TCF4: variants seen among roughly 807,000 people sequenced by gnomAD.
TCF4 encodes the protein SL3-3 enhancer factor 2.
TCF4 carries 3 observed loss-of-function variants against 82.1 expected under a neutral mutation model. The observed-to-expected ratio is 0.04, with a 90% confidence interval of 0.02 to 0.09. The LOEUF is 0.09. TCF4 is among the 10% of genes least tolerant of loss of function. The pLI is 1.00. For synonymous variants in TCF4, 276 were observed against 309.6 expected, an observed-to-expected ratio of 0.89 and a Z score of 1.14; for missense variants, 518 against 852.7, an observed-to-expected ratio of 0.61 and a Z score of 4.89.
rs1433071956 is a variant in TCF4 at position 55,279,572 on chromosome 18, G to A, written c.634C>T (p.Pro212Ser). The stretch of plus-strand genomic sequence containing the variant: ...TTACCTTGCATGAAGAAGGAGCTAG[G>A]GAAAGTGCTGGTTGCTGGTTTGGAG... ...PSSKPATSTF[P>S]SSFFMQDGHH... is the part of the protein sequence containing the mutation. Residue 212 changes from proline (P) to serine (S), a missense_variant, in exon 9 of 20, where the codon CCT becomes TCT. Pro to Ser is a moderately conservative substitution (Grantham distance 74). This residue lies in a region of TCF4 where 211 missense variants were observed against 327.4 expected (regional missense o/e 0.64). Transcript: ENST00000354452. The A allele has an allele frequency of 6.2e-7, 1 of 1,613,914 alleles. No homozygotes were observed. Among genetic ancestry groups the A allele is most frequent in the South Asian group, 1.1e-5 (1 of 91,082 alleles).
chr18:55,417,257 A>C (rs1372268693), intron 5 of TCF4, among the ~76,000 whole-genome samples: 4 of 152,226 alleles, frequency 2.6e-5, no homozygotes, highest in African/African-American at 7.2e-5. Context: ...TGGACACTTA[A>C]ATCTACAGGT....
intron 1 of TCF4, among the ~76,000 whole-genome samples, chr18:55,632,484 C>T (rs1331631540): frequency 6.6e-6 from 1 of 152,116 alleles, no homozygotes; most frequent in Non-Finnish European, 1.5e-5. Context: ...AGCTATATGT[C>T]TTCAGATTGT....
chr18:55,586,924 G>A (rs1329220387), intron 2 of TCF4, 121 bp downstream of exon 2: 1 of 833,842 alleles, frequency 1.2e-6, no homozygotes, highest in African/African-American at 1.7e-5. Context: ...TATTTACCAA[G>A]GATTCAGCCA....
intron 8 of TCF4, among the ~76,000 whole-genome samples, chr18:55,314,700 A>G (rs1036094677): frequency 6.6e-5 from 10 of 151,804 alleles, no homozygotes; most frequent in African/African-American, 2.2e-4. Flanking sequence ...AATGGTAACC[A>G]AAGAGGTGAA....
chr18:55,443,310 T>C (rs571014878), intron 5 of TCF4, among the ~76,000 whole-genome samples: 2 of 152,334 alleles, frequency 1.3e-5, no homozygotes, highest in South Asian at 2.1e-4. Context: ...AAGAATCATG[T>C]TCCTGAAAAT....
intron 15 of TCF4, among the ~76,000 whole-genome samples, chr18:55,253,796 A>C (rs536951036): frequency 6.6e-5 from 10 of 152,158 alleles, no homozygotes; most frequent in Non-Finnish European, 1.2e-4. Flanking sequence ...AAAAAACACT[A>C]ATATTTGAAT....
intron 5 of TCF4, among the ~76,000 whole-genome samples, chr18:55,453,784 C>T (rs2095675072): frequency 6.6e-6 from 1 of 150,808 alleles, no homozygotes; most frequent in South Asian, 2.1e-4. Flanking sequence ...TTTCAATGGC[C>T]TTTCAAATTA....
At chr18:55,302,305 G>A in intron 8 of TCF4, 1 of 948,048 alleles carries the variant, frequency 1.1e-6, no homozygotes, top group Non-Finnish European at 1.6e-6. Flanking sequence ...GAAGACAGAA[G>A]TAGTGCAAAG....
chr18:55,539,699 G>C (rs1208717342), intron 3 of TCF4, among the ~76,000 whole-genome samples: 1 of 152,074 alleles, frequency 6.6e-6, no homozygotes, highest in Admixed American at 6.6e-5. Context: ...ATTTGAAAGA[G>C]ATTTTTTAAA....
At chr18:55,503,317 T>A (rs2958190) in intron 3 of TCF4, among the ~76,000 whole-genome samples, 2 of 152,212 alleles carry the variant, frequency 1.3e-5, no homozygotes, top group African/African-American at 4.8e-5. Flanking sequence ...TAGAAAGCCA[T>A]AAATTCAGTC....
At chr18:55,587,898 A>AG (rs1603624894) in intron 1 of TCF4, 140 bp downstream of exon 1, 1 of 653,806 alleles carries the variant, frequency 1.5e-6, no homozygotes, top group Non-Finnish European at 1.9e-6. Flanking sequence ...CGGGAGGGGA[A>AG]GGGGTGTCTC....
chr18:55,595,480 G>A (rs185950794), intron 2 of TCF4, among the ~76,000 whole-genome samples: 1 of 152,234 alleles, frequency 6.6e-6, no homozygotes, highest in African/African-American at 2.4e-5. Flanking sequence ...TATTCCTCCA[G>A]GAATGACCCA....
intron 5 of TCF4, among the ~76,000 whole-genome samples, chr18:55,444,292 T>A (rs1250249060): frequency 2.0e-5 from 3 of 152,180 alleles, no homozygotes; most frequent in Non-Finnish European, 4.4e-5. Flanking sequence ...ATACATGGAA[T>A]CTTAGACTGC....
intron 10 of TCF4, among the ~76,000 whole-genome samples, chr18:55,275,012 G>A (rs961543220): frequency 6.6e-6 from 1 of 152,056 alleles, no homozygotes; most frequent in Non-Finnish European, 1.5e-5. Context: ...CTGGAGTGAC[G>A]CAAAACACAG....
intron 6 of TCF4, among the ~76,000 whole-genome samples, chr18:55,356,989 C>T (rs893258030): frequency 7.2e-5 from 11 of 152,038 alleles, no homozygotes; most frequent in African/African-American, 2.7e-4. Flanking sequence ...TAATGTGATG[C>T]AAAGGTTGCC....
upstream of TCF4, among the ~76,000 whole-genome samples, chr18:55,591,923 T>G (rs1427140048): frequency 6.6e-6 from 1 of 152,208 alleles, no homozygotes; most frequent in African/African-American, 2.4e-5. Context: ...TGCTTCTTCG[T>G]TTTTTGACCC....
intron 5 of TCF4, among the ~76,000 whole-genome samples, chr18:55,445,419 C>T (rs1261642349): frequency 6.6e-6 from 1 of 152,074 alleles, no homozygotes; most frequent in Non-Finnish European, 1.5e-5. Flanking sequence ...GCCTCACAAT[C>T]ATGGTGGAAG....
intron 3 of TCF4, among the ~76,000 whole-genome samples, chr18:55,575,734 T>C (rs1432778869): frequency 6.6e-6 from 1 of 152,198 alleles, no homozygotes; most frequent in African/African-American, 2.4e-5. Flanking sequence ...CACTTTAATC[T>C]GAACAATATT....
intron 15 of TCF4, among the ~76,000 whole-genome samples, chr18:55,249,084 G>T (rs2054224231): frequency 6.6e-6 from 1 of 152,086 alleles, no homozygotes; most frequent in African/African-American, 2.4e-5. Context: ...GAGTACCCAT[G>T]GTTTGGTCAC....
Sources: allele counts gnomAD v4.1 joint callset (sites outside exome capture counted in the v4.1 genomes callset), GRCh38; gene constraint gnomAD v4.1.1; regional missense constraint gnomAD v4.1.1; transcripts MANE v1.5; gene names NCBI Gene and HGNC (gene_info 2026-07-23, HGNC 2026-07-21).